C11orf65: variants seen among roughly 807,000 people sequenced by gnomAD.
C11orf65 encodes protein MFI.
C11orf65 carries 38 observed loss-of-function variants against 35.3 expected under a neutral mutation model. The ratio of observed to expected loss-of-function variants is 1.08; its 90% CI spans 0.83 to 1.41. The LOEUF is 1.41. C11orf65 is among the 40% of genes most tolerant of loss of function. The pLI is 0.00. For missense variants in C11orf65, 370 were observed against 367.1 expected (o/e 1.01, Z -0.06); for synonymous variants, 105 against 114.4 (o/e 0.92, Z 0.53).
At chr11:108,447,693 A>C (rs2093283863) in intron 2 of C11orf65, among the ~76,000 whole-genome samples, 2 of 152,190 alleles carry the variant, frequency 1.3e-5, no homozygotes, top group Admixed American at 1.3e-4. Context: ...GAAAGATCCA[A>C]AATTGACACC....
chr11:108,403,452 G>A (rs911871355), intron 6 of C11orf65, among the ~76,000 whole-genome samples: 6 of 84,264 alleles, frequency 7.1e-5, no homozygotes, highest in African/African-American at 2.4e-4. Flanking sequence ...CTTGATTCAA[G>A]AACTTTGTCA....
chr11:108,450,769 TATA>T (rs1044486768), intron 2 of C11orf65, among the ~76,000 whole-genome samples: 1 of 151,566 alleles, frequency 6.6e-6, no homozygotes, highest in African/African-American at 2.4e-5. Flanking sequence ...AAACTTAAAG[TATA>T]ATAATAATAA....
chr11:108,443,423 G>C (rs1195364135), intron 2 of C11orf65, among the ~76,000 whole-genome samples: 1 of 152,132 alleles, frequency 6.6e-6, no homozygotes, highest in Non-Finnish European at 1.5e-5. Context: ...CAACGAAACA[G>C]AAGGTTAACA....
chr11:108,451,233 G>A (rs1288109608), intron 2 of C11orf65, among the ~76,000 whole-genome samples: 5 of 152,034 alleles, frequency 3.3e-5, no homozygotes, highest in South Asian at 2.1e-4. Context: ...GTTTGCAGAC[G>A]ACATGATTGT....
Position 108,354,824 on chromosome 11 carries a change from AC to A in C11orf65, c.227-19533del, listed in dbSNP as rs876660567. 1.9e-6 allele frequency: 3 copies of A among 1,613,806 alleles called. No individual in the cohort carries two copies. Among genetic ancestry groups the A allele is most frequent in the Non-Finnish European group, 2.5e-6 (3 of 1,179,740 alleles). On this transcript the variant is annotated intron_variant, in intron 2 of 3. Transcript: ENST00000524755. ...GTTTGACTCTAGATGCTGTGAGAAA[AC>A]CATGGAAGTGATGAGAAACTCTCAG...
intron 2 of C11orf65, among the ~76,000 whole-genome samples, chr11:108,374,680 A>G (rs1472725945): frequency 6.6e-6 from 1 of 152,204 alleles, no homozygotes; most frequent in Non-Finnish European, 1.5e-5. Flanking sequence ...CAGATGATCA[A>G]ACTACTCCGA....
intron 2 of C11orf65, among the ~76,000 whole-genome samples, chr11:108,433,910 T>C (rs1453293039): frequency 6.6e-6 from 1 of 152,134 alleles, no homozygotes; most frequent in African/African-American, 2.4e-5. Flanking sequence ...TATAGATCTA[T>C]AGATGGATGG....
chr11:108,361,518 G>A (rs2090753457), intron 2 of C11orf65, among the ~76,000 whole-genome samples: 1 of 151,982 alleles, frequency 6.6e-6, no homozygotes, highest in Non-Finnish European at 1.5e-5. Flanking sequence ...GAACAAAGCT[G>A]GAGGCATCAC....
chr11:108,418,332 T>C (rs2092769908), intron 3 of C11orf65, among the ~76,000 whole-genome samples: 2 of 151,986 alleles, frequency 1.3e-5, no homozygotes, highest in South Asian at 2.1e-4. Flanking sequence ...TAAAAATTTA[T>C]AAAAAATAGA....
At chr11:108,373,611 G>A (rs1476617738) in intron 2 of C11orf65, among the ~76,000 whole-genome samples, 2 of 152,234 alleles carry the variant, frequency 1.3e-5, no homozygotes, top group Non-Finnish European at 2.9e-5. Context: ...GAAGACGGGT[G>A]ATTTCTGCAT....
intron 8 of C11orf65, among the ~76,000 whole-genome samples, chr11:108,383,412 T>C (rs1038191420): frequency 3.3e-5 from 5 of 152,234 alleles, no homozygotes; most frequent in Admixed American, 2.0e-4. Context: ...GATCTACTAA[T>C]AACTAGCTGT....
At position 108,310,225 on chromosome 11, in the gene C11orf65, A is replaced by G. The variant is rs746676271; in HGVS notation, c.641-1154T>C. On this transcript the variant is annotated intron_variant, in intron 6 of 6. Transcript: ENST00000525729. ...GATTTAAATTATCTAGAAGTTGCCAAGGTAGCTCAGTCTTGTGCTGCTCAC... is the reference window on the plus strand; with the variant it reads ...GATTTAAATTATCTAGAAGTTGCCAGGGTAGCTCAGTCTTGTGCTGCTCAC... The G allele has an allele frequency of 3.7e-6, 6 of 1,613,700 alleles. No individual in the cohort carries two copies. The South Asian group carries it at 4.4e-5, about 12-fold the overall frequency.
chr11:108,345,703 A>G, intron 2 of C11orf65: 1 of 1,434,676 alleles, frequency 7.0e-7, no homozygotes, highest in Non-Finnish European at 9.5e-7. Flanking sequence ...TTAATTGAAC[A>G]CAATATTGAA....
intron 2 of C11orf65, among the ~76,000 whole-genome samples, chr11:108,448,708 C>A (rs957217630): frequency 2.9e-4 from 44 of 152,102 alleles, no homozygotes; most frequent in Non-Finnish European, 1.5e-4. Context: ...GGAAGCATTC[C>A]CTTTGAAAAC....
In C11orf65 at chr11:108,464,360, G is replaced by A. The variant is rs940431757; in HGVS notation, c.-9-2792C>T. 1.2e-4 allele frequency among the ~76,000 whole-genome samples: 18 copies of A among 151,914 alleles called. No individual in the cohort carries two copies. In the East Asian group the frequency reaches 1.9e-3, roughly 16 times the overall value. ...TCGCCAGGCTGGAATGCAGTGGAGCGATTTTGGTGCACTGCAACCTCCGCC... is the reference window on the plus strand; with the variant it reads ...TCGCCAGGCTGGAATGCAGTGGAGCAATTTTGGTGCACTGCAACCTCCGCC... On this transcript the variant is annotated intron_variant, in intron 1 of 8. Coordinates refer to ENST00000393084, the MANE Select transcript of C11orf65 (RefSeq NM_152587.5).
intron 2 of C11orf65, chr11:108,368,140 C>A (rs757803813): frequency 4.8e-6 from 1 of 207,358 alleles, no homozygotes; most frequent in Non-Finnish European, 9.8e-6. Flanking sequence ...AAAAGTTTAT[C>A]AAATTTACAT....
In C11orf65 at chr11:108,325,321, A is replaced by G. The variant is rs1565518051; in HGVS notation, c.641-16250T>C. 1 of 1,601,708 alleles carries G rather than the reference A, an allele frequency of 6.2e-7. No homozygotes were observed. The highest frequency in any genetic ancestry group is 8.5e-7 in the Non-Finnish European group (1 of 1,172,862). On this transcript the variant is annotated intron_variant, in intron 6 of 6. Coordinates refer to the C11orf65 transcript ENST00000525729. ...GTCGTGGCATTCAGATCAGTCACAC[A>G]TAGACAACTCTCTGAAGTATATATT...
At chr11:108,332,632 C>T (rs997068220) in intron 3 of C11orf65, 48 of 1,013,660 alleles carry the variant, frequency 4.7e-5, no homozygotes. Flanking sequence ...TTGTTTGTAT[C>T]TGAGGAATTA....
chr11:108,450,820 G>C (rs1057370420), intron 2 of C11orf65, among the ~76,000 whole-genome samples: 1 of 151,432 alleles, frequency 6.6e-6, no homozygotes, highest in East Asian at 1.9e-4. Flanking sequence ...TGATCAAGTC[G>C]GCTTCATCCC....
Sources: allele counts gnomAD v4.1 joint callset (sites outside exome capture counted in the v4.1 genomes callset), GRCh38; gene constraint gnomAD v4.1.1; transcripts MANE v1.5; gene names NCBI Gene and HGNC (gene_info 2026-07-23, HGNC 2026-07-21).